GSAP: variants seen among roughly 807,000 people sequenced by gnomAD.
GSAP encodes gamma-secretase activating protein, also known as gamma-secretase-activating protein.
In GSAP, 118 loss-of-function variants were observed where a neutral mutation model predicts 131.7. The observed-to-expected ratio is 0.90, with a 90% CI of 0.77 to 1.04. The LOEUF is 1.04. Among genes scored for constraint, GSAP ranks in the 50% least tolerant of loss-of-function variants. GSAP has a pLI of 0.00. For synonymous variants in GSAP, 381 were observed against 363.4 expected, an observed-to-expected ratio of 1.05 and a Z score of -0.55; for missense variants, 1,019 against 1,013.2, an observed-to-expected ratio of 1.01 and a Z score of -0.08.
chr7:77,337,285 G>A lies in GSAP; in HGVS notation c.1546-6918C>T, dbSNP rs569577772. ...CTCTTGCCTCAGCCTCCCAAGTAAC[G>A]GGGGCGGGGGTGGGGTGGGGGGGGG... On this transcript the variant is annotated intron_variant, in intron 19 of 30. Coordinates refer to ENST00000257626, the MANE Select transcript of GSAP (RefSeq NM_017439.4). Among the ~76,000 whole-genome samples the A allele has an allele frequency of 2.7e-4, 39 of 146,370 alleles. No individual in the cohort carries two copies. In the South Asian group the frequency reaches 5.0e-3, roughly 19 times the overall value.
intron 16 of GSAP, 175 bp from the exon 17 acceptor site, chr7:77,353,816 A>ATGG: frequency 2.0e-6 from 1 of 493,592 alleles, no homozygotes; most frequent in Non-Finnish European, 3.6e-6. Context: ...TGGGTAGGTA[A>ATGG]AACGGTATTT....
intron 7 of GSAP, 113 bp from the exon 8 acceptor site, chr7:77,381,467 G>A (rs1216080890): frequency 1.9e-6 from 1 of 514,704 alleles, no homozygotes; most frequent in Non-Finnish European, 3.4e-6. Context: ...TTGAACAACT[G>A]GCCAGAAAAA....
At chr7:77,341,321 C>G (rs1278951847) in intron 19 of GSAP, among the ~76,000 whole-genome samples, 2 of 152,132 alleles carry the variant, frequency 1.3e-5, no homozygotes, top group African/African-American at 2.4e-5. Context: ...CATCTGACCT[C>G]TCCCCTCCTC....
In GSAP at chr7:77,350,572, T is replaced by TG. The variant is rs1554398218; in HGVS notation, c.1492-1169_1492-1168insC. ...CCAACATGGTGAAACCCCGCTCTAC[T>TG]AAAAAAAAAAAAAAAAAAAAATTAG... On this transcript the variant is annotated intron_variant, in intron 18 of 30. Transcript: ENST00000257626. 4.9e-5 allele frequency among the ~76,000 whole-genome samples: 6 copies of TG among 121,248 alleles called. No homozygotes were observed. In the East Asian group the frequency reaches 1.4e-3, roughly 28 times the overall value. The allele number at this position is 121,248 out of a possible 152,430, so 79.5% of individuals were successfully genotyped here.
At chr7:77,345,588 C>A (rs553202704) in intron 19 of GSAP, among the ~76,000 whole-genome samples, 1 of 152,256 alleles carries the variant, frequency 6.6e-6, no homozygotes, top group South Asian at 2.1e-4. Flanking sequence ...GACATTCCAC[C>A]ATTGCGACTT....
chr7:77,415,014 CG>C (rs1490725768), intron 1 of GSAP, among the ~76,000 whole-genome samples: 2 of 151,940 alleles, frequency 1.3e-5, no homozygotes, highest in African/African-American at 4.8e-5. Context: ...CGTGTCACCA[CG>C]CCCAGCTAAT....
intron 18 of GSAP, among the ~76,000 whole-genome samples, chr7:77,349,709 C>T (rs147812871): frequency 1.1e-3 from 163 of 152,216 alleles, no homozygotes; most frequent in Middle Eastern, 3.4e-3. Context: ...TATTAAAGAA[C>T]GAATGAGGCA....
At chr7:77,326,086 T>A in intron 23 of GSAP, 126 bp downstream of exon 23, 2 of 692,600 alleles carry the variant, frequency 2.9e-6, no homozygotes, top group South Asian at 3.9e-5. Context: ...AGGTCCATAA[T>A]GCTGGCAAAA....
intron 12 of GSAP, among the ~76,000 whole-genome samples, chr7:77,369,183 G>A (rs1480899570): frequency 3.3e-5 from 5 of 152,188 alleles, no homozygotes; most frequent in African/African-American, 1.2e-4. Context: ...CCAGTAGGTG[G>A]TGCACAAGAA....
chr7:77,329,963 A>T (rs1788852386), intron 20 of GSAP: 1 of 226,188 alleles, frequency 4.4e-6, no homozygotes, highest in Non-Finnish European at 8.6e-6. Flanking sequence ...CTACATAAGT[A>T]ACCTGAGAAC....
At chr7:77,326,807 T>C (rs1319379428) in intron 22 of GSAP, 1 of 152,382 alleles carries the variant, frequency 6.6e-6, no homozygotes, top group Non-Finnish European at 1.5e-5. Flanking sequence ...TTAAATCAAA[T>C]GGTACCTTCT....
chr7:77,393,433 T>C (rs892665101), intron 5 of GSAP, among the ~76,000 whole-genome samples: 3 of 152,108 alleles, frequency 2.0e-5, no homozygotes, highest in Non-Finnish European at 2.9e-5. Context: ...CCTGGCCTTC[T>C]GACTCATCTC....
chr7:77,386,637 A>G (rs1798608108), intron 6 of GSAP, among the ~76,000 whole-genome samples: 2 of 152,218 alleles, frequency 1.3e-5, no homozygotes, highest in African/African-American at 4.8e-5. Flanking sequence ...GCACTTAGGA[A>G]CACTAGACGG....
At chr7:77,404,691 C>A in intron 2 of GSAP, 76 bp from the exon 3 acceptor site, 1 of 804,144 alleles carries the variant, frequency 1.2e-6, no homozygotes, top group Non-Finnish European at 2.1e-6. Context: ...TAAAACCAAC[C>A]TGCAATAACT....
Position 77,387,352 on chromosome 7 carries a change from T to C in GSAP, c.456+8A>G, listed in dbSNP as rs762813355. The C allele has an allele frequency of 7.0e-7, 1 of 1,424,272 alleles. No homozygotes were observed. Among genetic ancestry groups the C allele is most frequent in the South Asian group, 1.1e-5 (1 of 87,056 alleles). The allele number at this position is 1,424,272 out of a possible 1,614,324, so 88.2% of individuals were successfully genotyped here. ...ATGAGATAAGTGATAAATGGCATGC[T>C]TACTTACCTGAACCCAAATATAGCT... On this transcript the variant is annotated splice_region_variant and intron_variant, in intron 6 of 30. Coordinates refer to ENST00000257626, the MANE Select transcript of GSAP (RefSeq NM_017439.4).
In GSAP at chr7:77,362,257, C is replaced by T. The variant is rs577042310; in HGVS notation, c.949+326G>A. Among the ~76,000 whole-genome samples the T allele has an allele frequency of 6.2e-4, 94 of 152,214 alleles. 1 individual carries two copies. The South Asian group carries it at 0.018, about 30-fold the overall frequency. ...ATCCCCACACTTTGGTAAGCTGAGG[C>T]GGGTGGATCACTTGAGCTCAGAAGT... On this transcript the variant is annotated intron_variant, in intron 13 of 30. Transcript: ENST00000257626.
At chr7:77,322,678 GAGA>G (rs1424398999) in intron 24 of GSAP, among the ~76,000 whole-genome samples, 1 of 149,030 alleles carries the variant, frequency 6.7e-6, no homozygotes, top group Non-Finnish European at 1.5e-5. Context: ...CAGTGCTATT[GAGA>G]AGGAGACTTA....
Position 77,314,381 on chromosome 7 carries a change from C to T in GSAP, c.2198G>A (p.Arg733Lys). ...TCAGGGCTTCTTACCTTTCATGAGC[C>T]TTATGACAGCTGTTTCAGTGAGAAG... ...VLLLTETAVIRLMKDLDNTEK... is the reference protein window; with the variant it reads ...VLLLTETAVIKLMKDLDNTEK... Residue 733 changes from arginine to lysine, a missense_variant, in exon 27 of 31, where the codon AGG (arginine) becomes AAG (lysine). Transcript: ENST00000257626. The T allele has an allele frequency of 6.2e-7, 1 of 1,613,682 alleles. No individual in the cohort carries two copies.
rs772935578 is a variant in GSAP at position 77,355,650 on chromosome 7, AT to A, written c.1028-4del. ...TAAGTAAACAGCCACATAATAGTCT[AT>A]AGAAGAGAAAGATTTACATCATCTA... On this transcript the variant is annotated splice_polypyrimidine_tract_variant and splice_region_variant and intron_variant, in intron 14 of 30. Transcript: ENST00000257626. The A allele has an allele frequency of 7.3e-6, 11 of 1,502,084 alleles. No homozygotes were observed. The highest frequency in any genetic ancestry group is 1.0e-5 in the Non-Finnish European group (11 of 1,078,024). The allele number at this position is 1,502,084 out of a possible 1,614,324, so 93.0% of individuals were successfully genotyped here.
Sources: gnomAD v4.1 joint callset for allele counts (sites outside exome capture counted in the v4.1 genomes callset) on GRCh38, gnomAD v4.1.1 for gene constraint, MANE v1.5 for transcripts, NCBI Gene and HGNC (gene_info 2026-07-23, HGNC 2026-07-21) for gene names.